The following ARHGAP19 variants were observed in gnomAD, a reference collection of about 807,000 sequenced individuals.
The protein encoded by ARHGAP19 is Rho GTPase activating protein 19.
In ARHGAP19, 48 loss-of-function variants were observed where a neutral mutation model predicts 60.9. The ratio of observed to expected loss-of-function variants is 0.79; its 90% CI spans 0.62 to 1.00. The LOEUF (loss-of-function observed/expected upper bound fraction) is 1.00. ARHGAP19 is among the 50% of genes least tolerant of loss of function. ARHGAP19 has a pLI of 0.00. For missense variants in ARHGAP19, 562 were observed against 597.2 expected, an observed-to-expected ratio of 0.94 and a Z score of 0.61; for synonymous variants, 209 against 215.5, an observed-to-expected ratio of 0.97 and a Z score of 0.27.
chr10:97,246,184 C>T (rs1350821269), intron 7 of ARHGAP19, 88 bp downstream of exon 7: 1 of 1,093,920 alleles, frequency 9.1e-7, no homozygotes, highest in East Asian at 2.4e-5. Flanking sequence ...ATTTTCCATG[C>T]TTTTACTTTG....
In ARHGAP19 at chr10:97,229,142, A is replaced by G. The variant is rs1850955607; in HGVS notation, c.1474+5T>C. The G allele has an allele frequency of 6.2e-7, 1 of 1,611,012 alleles. No individual in the cohort carries two copies. The highest frequency in any genetic ancestry group is 1.7e-5 in the Admixed American group (1 of 59,998). On this transcript the variant is annotated splice_donor_5th_base_variant and intron_variant, in intron 11 of 11. Coordinates refer to ENST00000358531, the MANE Select transcript of ARHGAP19 (RefSeq NM_032900.6). Reference sequence around the variant, plus strand: ...GTAAGAACAGAGAGTAAGTACAATTAGTACCTTTTTTCCCCTCTTTCTTCC... The same window carrying G: ...GTAAGAACAGAGAGTAAGTACAATTGGTACCTTTTTTCCCCTCTTTCTTCC...
chr10:97,260,508 C>T lies in ARHGAP19; in HGVS notation c.614-880G>A, dbSNP rs187797715. Among the ~76,000 whole-genome samples the T allele has an allele frequency of 7.3e-5, 11 of 151,596 alleles. No individual in the cohort carries two copies. In the East Asian group the frequency reaches 1.6e-3, roughly 22 times the overall value. Reference sequence around the variant, plus strand: ...TCATGCCCCTGCACTCCAGCCTGGGCGACAGAGCAAGACTCCATCTCAAAA... The same window carrying T: ...TCATGCCCCTGCACTCCAGCCTGGGTGACAGAGCAAGACTCCATCTCAAAA... On this transcript the variant is annotated intron_variant, in intron 4 of 11. Transcript: ENST00000358531.
intron 5 of ARHGAP19, among the ~76,000 whole-genome samples, chr10:97,257,647 G>A (rs1194314183): frequency 6.6e-6 from 1 of 152,016 alleles, no homozygotes; most frequent in East Asian, 1.9e-4. Context: ...GTCTTGGTTA[G>A]CTGGTTCTAA....
At position 97,285,769 on chromosome 10, in the gene ARHGAP19, C is replaced by T. The variant is rs538684183; in HGVS notation, c.56+6803G>A. On this transcript the variant is annotated intron_variant, in intron 1 of 11. Transcript: ENST00000358531. The stretch of plus-strand genomic sequence containing the variant: ...TCCTGACCTCAAGTGATCTGCCCGC[C>T]TCGGCCTCCCAAAGTGCTGCGATTA... Among the ~76,000 whole-genome samples, 70 of 152,300 alleles carry T rather than the reference C, an allele frequency of 4.6e-4. 1 individual carries two copies. Among genetic ancestry groups the T allele is most frequent in the African/African-American group, 1.5e-3 (63 of 41,570 alleles).
intron 8 of ARHGAP19, among the ~76,000 whole-genome samples, chr10:97,235,582 A>G (rs1842358306): frequency 1.3e-5 from 2 of 152,180 alleles, no homozygotes; most frequent in Non-Finnish European, 2.9e-5. Flanking sequence ...TGAGACTTGG[A>G]GAGCTTATGA....
intron 9 of ARHGAP19, among the ~76,000 whole-genome samples, chr10:97,234,244 G>A (rs1851085752): frequency 6.6e-6 from 1 of 151,714 alleles, no homozygotes; most frequent in Non-Finnish European, 1.5e-5. Flanking sequence ...TCCAGCCTGG[G>A]CGACAACAGC....
At position 97,229,210 on chromosome 10, in the gene ARHGAP19, G is replaced by A; in HGVS notation, c.1411C>T (p.Pro471Ser). 6.2e-7 allele frequency: 1 copy of A among 1,614,040 alleles called. No individual in the cohort carries two copies. The highest frequency in any genetic ancestry group is 8.5e-7 in the Non-Finnish European group (1 of 1,179,922). ...ENRNLLFSGS[P>S]AVTMTPTRLK... is the part of the protein sequence containing the mutation. ...CTTGTTGGTGTCATCGTGACAGCTG[G>A]AGAGCCAGAAAATAACTGTAATAAG... Residue 471 changes from proline (P) to serine (S), a missense_variant, in exon 11 of 12, where the codon CCA becomes TCA. Transcript: ENST00000358531.
intron 10 of ARHGAP19, 58 bp from the exon 11 acceptor site, chr10:97,229,283 A>C: frequency 1.5e-6 from 2 of 1,313,604 alleles, no homozygotes; most frequent in East Asian, 2.3e-5. Context: ...CTATAGACAG[A>C]CTTTACTAAC....
chr10:97,257,106 G>T (rs1386887311), intron 5 of ARHGAP19, among the ~76,000 whole-genome samples: 1 of 152,002 alleles, frequency 6.6e-6, no homozygotes, highest in Non-Finnish European at 1.5e-5. Context: ...GGGCGACAAA[G>T]CAAGACTCTG....
chr10:97,269,526 C>G (rs141475048), intron 1 of ARHGAP19, among the ~76,000 whole-genome samples: 1 of 152,258 alleles, frequency 6.6e-6, no homozygotes, highest in African/African-American at 2.4e-5. Flanking sequence ...GAATTAGAAG[C>G]AACTTCATCT....
chr10:97,255,614 AG>A (rs1009786112), intron 6 of ARHGAP19, among the ~76,000 whole-genome samples: 4 of 152,204 alleles, frequency 2.6e-5, no homozygotes, highest in African/African-American at 9.6e-5. Flanking sequence ...TTCACTATCA[AG>A]GAAGTATACA....
chr10:97,278,401 G>A (rs549167878), intron 1 of ARHGAP19, among the ~76,000 whole-genome samples: 1 of 152,290 alleles, frequency 6.6e-6, no homozygotes, highest in South Asian at 2.1e-4. Flanking sequence ...CTTTCTGTAA[G>A]TGACAGAAAA....
rs1481997396 is a variant in ARHGAP19 at position 97,223,493 on chromosome 10, A to G, written c.*2629T>C. ...GACCAGGAAGGTGGCCTGCAGTTTA[A>G]TATGTGTATCCCTCTGGCACAAACA... On this transcript the variant is annotated 3_prime_UTR_variant, in exon 12 of 12. Transcript: ENST00000358531. 6.6e-6 allele frequency: 1 copy of G among 152,212 alleles called. No homozygotes were observed. The highest frequency in any genetic ancestry group is 6.5e-5 in the Admixed American group (1 of 15,272). 9.4% of individuals were successfully genotyped at this position (152,212 alleles called of 1,614,324 possible).
Position 97,259,534 on chromosome 10 carries a change from A to C in ARHGAP19, c.708T>G (p.Pro236=), listed in dbSNP as rs142443761. 400 of 1,614,054 alleles carry C rather than the reference A, an allele frequency of 2.5e-4. No individual in the cohort carries two copies. The highest frequency in any genetic ancestry group is 3.3e-4 in the Non-Finnish European group (386 of 1,180,030). ...EALQLLFLIL[P]PPNRNLLKLL... The stretch of plus-strand genomic sequence containing the variant: ...ACTTCAGCAAATTACGATTAGGAGG[A>C]GGGAGAATGAGGAAGAGCAACTGGA... The change falls in exon 5 of 12, where the codon CCT becomes CCG. Residue 236 remains proline (P), a synonymous_variant. Transcript: ENST00000358531.
rs1330276053 is a variant in ARHGAP19 at position 97,292,594 on chromosome 10, G to A, written c.34C>T (p.Pro12Ser). 1.2e-6 allele frequency: 2 copies of A among 1,614,182 alleles called. No homozygotes were observed. The highest frequency in any genetic ancestry group is 2.2e-5 in the East Asian group (1 of 44,884). The change falls in exon 1 of 12, where the codon CCA becomes TCA. Residue 12 changes from proline to serine, a missense_variant. Pro to Ser is a moderately conservative substitution (Grantham distance 74). Coordinates refer to ENST00000358531, the MANE Select transcript of ARHGAP19 (RefSeq NM_032900.6). ...CACCTCCGGCCGGATTCGCGGGCTG[G>A]CACCTCCCCTTCACTCTGTGCCTCA... ...ATEAQSEGEV[P>S]ARESGRSDAI...
chr10:97,231,138 C>T (rs1851008321), intron 9 of ARHGAP19, among the ~76,000 whole-genome samples: 1 of 146,564 alleles, frequency 6.8e-6, no homozygotes, highest in South Asian at 2.2e-4. Flanking sequence ...TTCTGATTCT[C>T]AATCATCTCT....
intron 11 of ARHGAP19, among the ~76,000 whole-genome samples, chr10:97,228,465 ATCC>A (rs1429927620): frequency 6.6e-6 from 1 of 152,246 alleles, no homozygotes; most frequent in Non-Finnish European, 1.5e-5. Context: ...TGTAACTTTT[ATCC>A]TCATTTTCAG....
intron 1 of ARHGAP19, among the ~76,000 whole-genome samples, chr10:97,269,257 C>A (rs1306270063): frequency 6.6e-6 from 1 of 152,206 alleles, no homozygotes; most frequent in Non-Finnish European, 1.5e-5. Context: ...CAAAATTCGT[C>A]TCTATTTCCT....
intron 8 of ARHGAP19, among the ~76,000 whole-genome samples, chr10:97,235,948 T>C (rs1402323048): frequency 1.3e-5 from 2 of 152,186 alleles, no homozygotes; most frequent in African/African-American, 2.4e-5. Flanking sequence ...TTAACTCTTC[T>C]ACTCTTCTGC....
Sources: allele counts gnomAD v4.1 joint callset (sites outside exome capture counted in the v4.1 genomes callset), GRCh38; gene constraint gnomAD v4.1.1; transcripts MANE v1.5; gene names NCBI Gene and HGNC (gene_info 2026-07-23, HGNC 2026-07-21).